The following GSTCD variants were observed in gnomAD, a reference collection of about 807,000 sequenced individuals.
GSTCD encodes the protein glutathione S-transferase C-terminal domain containing, also known as glutathione S-transferase C-terminal domain-containing protein.
In GSTCD, 44 loss-of-function variants were observed where a neutral mutation model predicts 68.3. That is an observed-to-expected ratio of 0.64 (90% CI 0.51 to 0.83). The LOEUF (loss-of-function observed/expected upper bound fraction) is 0.83. Among genes scored for constraint, GSTCD ranks in the 40% least tolerant of loss-of-function variants. GSTCD has a pLI of 0.00. For missense variants in GSTCD, 739 were observed against 735.9 expected (o/e 1.00, Z -0.05); for synonymous variants, 273 against 255.2 (o/e 1.07, Z -0.67).
At chr4:105,729,650 T>C (rs1733162974) in intron 5 of GSTCD, 151 bp downstream of exon 5, 1 of 447,636 alleles carries the variant, frequency 2.2e-6, no homozygotes, top group African/African-American at 2.0e-5. Flanking sequence ...ATGAAAATTA[T>C]ATATACACAC....
intron 5 of GSTCD, among the ~76,000 whole-genome samples, chr4:105,734,743 G>A (rs1290963743): frequency 1.3e-5 from 2 of 152,182 alleles, no homozygotes; most frequent in Admixed American, 1.3e-4. Context: ...TCCTTTGGAG[G>A]GGGAGAGGTG....
intron 3 of GSTCD, among the ~76,000 whole-genome samples, chr4:105,720,816 T>G (rs1732837187): frequency 3.3e-5 from 5 of 152,238 alleles, no homozygotes; most frequent in Admixed American, 3.3e-4. Flanking sequence ...GTCTTCTGTC[T>G]TCTTGACTTC....
intron 5 of GSTCD, among the ~76,000 whole-genome samples, chr4:105,814,580 C>A (rs1422955310): frequency 2.0e-5 from 3 of 151,982 alleles, no homozygotes; most frequent in Non-Finnish European, 2.9e-5. Flanking sequence ...CCATTACACT[C>A]CAGCCTGGTT....
At chr4:105,744,977 T>A (rs891842850) in intron 5 of GSTCD, among the ~76,000 whole-genome samples, 1 of 152,210 alleles carries the variant, frequency 6.6e-6, no homozygotes, top group Non-Finnish European at 1.5e-5. Context: ...TCTATATCTT[T>A]TATCCATCTA....
Position 105,726,840 on chromosome 4 carries a change from T to G in GSTCD, c.1146+10T>G, listed in dbSNP as rs1318110039. 3 of 1,574,234 alleles carry G rather than the reference T, an allele frequency of 1.9e-6. No individual in the cohort carries two copies. Among genetic ancestry groups the G allele is most frequent in the Non-Finnish European group, 2.6e-6 (3 of 1,161,206 alleles). On this transcript the variant is annotated intron_variant, in intron 4 of 11. Transcript: ENST00000515279. ...CATGGCCAAGTTAATGGTACTTAAT[T>G]ATTAACATTTTCTTTGAAAAATTCT...
intron 3 of GSTCD, among the ~76,000 whole-genome samples, chr4:105,723,747 C>T (rs1010283749): frequency 2.0e-5 from 3 of 151,446 alleles, no homozygotes; most frequent in Admixed American, 6.6e-5. Context: ...TACAAAATAA[C>T]TTATAGGATG....
chr4:105,845,170 C>G (rs1724499085), intron 11 of GSTCD, among the ~76,000 whole-genome samples: 1 of 152,148 alleles, frequency 6.6e-6, no homozygotes, highest in South Asian at 2.1e-4. Flanking sequence ...GTCTGAGGCT[C>G]TAATTTGAGA....
At chr4:105,766,168 C>T (rs1314841989) in intron 5 of GSTCD, among the ~76,000 whole-genome samples, 1 of 152,086 alleles carries the variant, frequency 6.6e-6, no homozygotes, top group African/African-American at 2.4e-5. Flanking sequence ...GGTGACTCAT[C>T]CCAGAGAATG....
chr4:105,755,885 T>C (rs1269102452), intron 5 of GSTCD, among the ~76,000 whole-genome samples: 2 of 151,980 alleles, frequency 1.3e-5, no homozygotes, highest in East Asian at 3.8e-4. Context: ...ACAGCAGGTA[T>C]GTATAGTTTA....
chr4:105,718,947 A>G, intron 2 of GSTCD, 113 bp from the exon 3 acceptor site: 2 of 761,074 alleles, frequency 2.6e-6, no homozygotes, highest in Non-Finnish European at 4.3e-6. Context: ...ATAAAAGCCT[A>G]GCCCAGGGAT....
In GSTCD at chr4:105,719,284, A is replaced by G; in HGVS notation, c.651A>G (p.Ala217=). ...GGCCTCCCCTTACTAAGGGAAAGGC[A>G]AAGAGCAAGGTCCACACACAGGAAA... ...GVGPPLTKGK[A]KSKVHTQETS... is the part of the protein sequence containing the mutation. The change falls in exon 3 of 12, where the codon GCA becomes GCG. Residue 217 remains alanine, a synonymous_variant. Transcript: ENST00000515279. 1 of 1,614,156 alleles carries G rather than the reference A, an allele frequency of 6.2e-7. No homozygotes were observed. Among genetic ancestry groups the G allele is most frequent in the South Asian group, 1.1e-5 (1 of 91,088 alleles).
intron 5 of GSTCD, among the ~76,000 whole-genome samples, chr4:105,733,048 T>C (rs1733311631): frequency 6.6e-6 from 1 of 151,988 alleles, no homozygotes; most frequent in African/African-American, 2.4e-5. Flanking sequence ...CACTGTGGTC[T>C]GAGACAGTTT....
At chr4:105,809,553 C>A (rs11733654) in intron 5 of GSTCD, among the ~76,000 whole-genome samples, 8,168 of 152,038 alleles carry the variant, frequency 0.054, 251 homozygotes, top group Middle Eastern at 0.14. Flanking sequence ...TTCTTTTTAA[C>A]CCCTAATATA....
intron 5 of GSTCD, among the ~76,000 whole-genome samples, chr4:105,730,217 CTT>C (rs1733184928): frequency 6.6e-6 from 1 of 152,142 alleles, no homozygotes; most frequent in Non-Finnish European, 1.5e-5. Context: ...GTGCTTGTGT[CTT>C]TATAGCAGCA....
rs1724384161 is a variant in GSTCD, at chr4:105,842,276, C to CT, written c.1765+144dup. 9 of 645,688 alleles carry CT rather than the reference C, an allele frequency of 1.4e-5. No homozygotes were observed. In the South Asian group the frequency reaches 1.8e-4, roughly 13 times the overall value. The allele number at this position is 645,688 out of a possible 1,614,324, so 40.0% of individuals were successfully genotyped here. On this transcript the variant is annotated intron_variant, in intron 11 of 11. Transcript: ENST00000515279. The stretch of plus-strand genomic sequence containing the variant: ...ACTAAATATGTTCTTCCCAAAAAAA[C>CT]TTAATTCATATTGAAAAGGGTATTG...
At chr4:105,774,183 C>T (rs1473835277) in intron 5 of GSTCD, among the ~76,000 whole-genome samples, 1 of 151,918 alleles carries the variant, frequency 6.6e-6, no homozygotes, top group African/African-American at 2.4e-5. Flanking sequence ...GCAACCCCTG[C>T]TTTTTTGCTT....
intron 5 of GSTCD, among the ~76,000 whole-genome samples, chr4:105,777,286 A>G (rs775806139): frequency 5.9e-5 from 9 of 152,080 alleles, no homozygotes; most frequent in Non-Finnish European, 8.8e-5. Flanking sequence ...TAGCCGATGT[A>G]TGTGTGTGTA....
intron 5 of GSTCD, among the ~76,000 whole-genome samples, chr4:105,769,230 C>CGT (rs1734738032): frequency 2.2e-5 from 1 of 45,650 alleles, no homozygotes; most frequent in Non-Finnish European, 4.0e-5. Context: ...ACTATACACG[C>CGT]GCGCACACAC....
intron 5 of GSTCD, among the ~76,000 whole-genome samples, chr4:105,764,455 G>A (rs545014333): frequency 6.6e-6 from 1 of 152,142 alleles, no homozygotes; most frequent in Non-Finnish European, 1.5e-5. Flanking sequence ...CCACAGACTG[G>A]GTGGTTTTAA....
Sources: allele counts gnomAD v4.1 joint callset (sites outside exome capture counted in the v4.1 genomes callset), GRCh38; gene constraint gnomAD v4.1.1; transcripts MANE v1.5; gene names NCBI Gene and HGNC (gene_info 2026-07-23, HGNC 2026-07-21).